NOP9: variants seen among roughly 807,000 people sequenced by gnomAD.
NOP9 encodes nucleolar protein 9.
In NOP9, 50 loss-of-function variants were observed where a neutral mutation model predicts 63.0. That is an observed-to-expected ratio of 0.79 (90% confidence interval 0.63 to 1.00). NOP9 has a LOEUF of 1.00. NOP9 is among the 50% of genes least tolerant of loss of function. The pLI is 0.00. For missense variants in NOP9, 758 were observed against 803.0 expected, an observed-to-expected ratio of 0.94 and a Z score of 0.68; for synonymous variants, 343 against 332.8, an observed-to-expected ratio of 1.03 and a Z score of -0.33.
chr14:24,292,287 T>C, the NOP9 span: 2 of 1,613,838 alleles, frequency 1.2e-6, no homozygotes, highest in African/African-American at 1.3e-5. Context: ...GCTGACCCCA[T>C]GGCGCCGCAG....
At chr14:24,304,867 A>G in intron 9 of NOP9, 71 bp from the exon 10 acceptor site, 3 of 1,457,790 alleles carry the variant, frequency 2.1e-6, no homozygotes, top group Non-Finnish European at 2.7e-6. Flanking sequence ...GGGGAAATGG[A>G]GGGATCTTTA....
the NOP9 span, among the ~76,000 whole-genome samples, chr14:24,273,176 ATTTTTTTTTT>A: frequency 7.3e-6 from 1 of 137,852 alleles, no homozygotes; most frequent in Admixed American, 7.3e-5. Context: ...AGTGCTTTAA[ATTTTTTTTTT>A]TTTTTTTTTT....
chr14:24,302,942 A>C (rs1008517164), intron 5 of NOP9, 132 bp from the exon 6 acceptor site: 1 of 1,129,658 alleles, frequency 8.9e-7, no homozygotes, highest in Admixed American at 3.3e-5. Flanking sequence ...TAGCCAAACA[A>C]AAGTCCTGAT....
chr14:24,275,992 C>T, the NOP9 span, among the ~76,000 whole-genome samples: 1 of 152,168 alleles, frequency 6.6e-6, no homozygotes, highest in African/African-American at 2.4e-5. Flanking sequence ...GACAGTAGCC[C>T]CATGTGACTG....
At chr14:24,296,758 T>C (rs1249350073), upstream of NOP9, 1 of 1,614,192 alleles carries the variant, frequency 6.2e-7, no homozygotes, top group Admixed American at 1.7e-5. Flanking sequence ...GCATAAGCAT[T>C]GTTGACCAGC....
At chr14:24,303,460 C>T (rs1039295782) in intron 6 of NOP9, among the ~76,000 whole-genome samples, 6 of 151,464 alleles carry the variant, frequency 4.0e-5, no homozygotes, top group Non-Finnish European at 7.4e-5. Context: ...AATCTCAGCT[C>T]ACCGTGCCCG....
rs1044505585 is a variant in NOP9, at chr14:24,299,850, G to T, written c.-105G>T. 6 of 1,380,824 alleles carry T rather than the reference G, an allele frequency of 4.3e-6. No homozygotes were observed. Among genetic ancestry groups the T allele is most frequent in the Non-Finnish European group, 5.7e-6 (6 of 1,048,700 alleles). 85.5% of individuals were successfully genotyped at this position (1,380,824 alleles called of 1,614,324 possible). ...GACGTAGTAGCTGCGTCAGGAGCGC[G>T]CCCGCGTTTCTAAACTTTGTCTGGA... On this transcript the variant is annotated 5_prime_UTR_variant, in exon 1 of 10. Transcript: ENST00000267425.
the NOP9 span, among the ~76,000 whole-genome samples, chr14:24,286,217 A>C: frequency 2.0e-5 from 3 of 152,068 alleles, no homozygotes; most frequent in Non-Finnish European, 4.4e-5. Context: ...TGCTGGTTTC[A>C]TGGCATCCCT....
chr14:24,292,129 G>A, the NOP9 span: 4 of 1,607,832 alleles, frequency 2.5e-6, no homozygotes, highest in Non-Finnish European at 2.6e-6. Flanking sequence ...TTGTTATTGA[G>A]GATGCAGAGG....
the NOP9 span, among the ~76,000 whole-genome samples, chr14:24,280,637 G>A: frequency 6.6e-6 from 1 of 152,206 alleles, no homozygotes; most frequent in Non-Finnish European, 1.5e-5. Context: ...AATATACAGT[G>A]GTGACCAAGA....
intron 6 of NOP9, 80 bp from the exon 7 acceptor site, chr14:24,303,652 T>G (rs1194185740): frequency 6.7e-7 from 1 of 1,496,996 alleles, no homozygotes; most frequent in Non-Finnish European, 9.3e-7. Flanking sequence ...CCTTCTTTCC[T>G]TTCCTGAAGG....
the NOP9 span, chr14:24,271,259 A>AC: frequency 6.3e-6 from 7 of 1,105,604 alleles, no homozygotes; most frequent in South Asian, 9.3e-5. Context: ...CTGGGCAGAG[A>AC]CCCCCAGAGT....
At chr14:24,291,495 A>G in the NOP9 span, 5 of 1,553,114 alleles carry the variant, frequency 3.2e-6, no homozygotes, top group Admixed American at 8.3e-5. Flanking sequence ...TGGGCACTGG[A>G]TGCTACCGCA....
the NOP9 span, among the ~76,000 whole-genome samples, chr14:24,288,857 T>A: frequency 6.6e-6 from 1 of 152,160 alleles, no homozygotes; most frequent in African/African-American, 2.4e-5. Context: ...TGTTTTTTGT[T>A]TTTTTGAGAC....
chr14:24,273,229 A>C, the NOP9 span, among the ~76,000 whole-genome samples: 3 of 146,006 alleles, frequency 2.1e-5, no homozygotes, highest in Non-Finnish European at 4.4e-5. Context: ...CCCAGGCAGG[A>C]GTGCAGTGGC....
chr14:24,295,045 A>G (rs534412283), upstream of NOP9, among the ~76,000 whole-genome samples: 1 of 152,026 alleles, frequency 6.6e-6, no homozygotes, highest in South Asian at 2.1e-4. Flanking sequence ...CTTTTTTTCT[A>G]TTTTTCCCAC....
the NOP9 span, among the ~76,000 whole-genome samples, chr14:24,284,397 G>C: frequency 6.6e-6 from 1 of 152,190 alleles, no homozygotes; most frequent in Non-Finnish European, 1.5e-5. Flanking sequence ...AACACCAGCT[G>C]ACCAGGAGAT....
At chr14:24,292,245 G>T in the NOP9 span, 1 of 1,614,080 alleles carries the variant, frequency 6.2e-7, no homozygotes, top group South Asian at 1.1e-5. Flanking sequence ...CAGCAGTTCT[G>T]TCTGCACAAT....
chr14:24,308,493 C>T lies in NOP9; in HGVS notation c.*3398C>T, dbSNP rs1423802260. ...TTCCTGCTTACCTGCTCTTTCCTTC[C>T]TCCTTGGTCGGAGGAGGGGCTGGCT... is the stretch of plus-strand genomic sequence containing the variant. On this transcript the variant is annotated 3_prime_UTR_variant, in exon 10 of 10. Transcript: ENST00000267425. 6.5e-6 allele frequency: 1 copy of T among 154,144 alleles called. No homozygotes were observed. The highest frequency in any genetic ancestry group is 2.4e-5 in the African/African-American group (1 of 41,428). The allele number at this position is 154,144 out of a possible 1,614,324, so 9.5% of individuals were successfully genotyped here.
Sources: allele counts gnomAD v4.1 joint callset (sites outside exome capture counted in the v4.1 genomes callset), GRCh38; gene constraint gnomAD v4.1.1; transcripts MANE v1.5; gene names NCBI Gene and HGNC (gene_info 2026-07-23, HGNC 2026-07-21).